MALRD1: variants seen among roughly 807,000 people sequenced by gnomAD.
The protein encoded by MALRD1 is MAM and LDL receptor class A domain containing 1, also known as MAM and LDL-receptor class A domain-containing protein 1.
A neutral mutation model predicts 242.1 loss-of-function variants in MALRD1; 247 were observed. The ratio of observed to expected loss-of-function variants is 1.02; its 90% CI spans 0.92 to 1.13. The LOEUF (loss-of-function observed/expected upper bound fraction) is 1.13. Ranked by LOEUF, MALRD1 falls within the 50% of genes most tolerant of loss-of-function variation. The pLI is 0.00. For synonymous variants in MALRD1, 995 were observed against 866.6 expected (o/e 1.15, Z -2.60); for missense variants, 2,989 against 2,533.1 (o/e 1.18, Z -3.86).
chr10:19,149,240 C>G (rs1192030116), intron 11 of MALRD1, among the ~76,000 whole-genome samples: 1 of 152,082 alleles, frequency 6.6e-6, no homozygotes. Context: ...CTTTTCCTCC[C>G]AAGTAGCTGG....
intron 12 of MALRD1, among the ~76,000 whole-genome samples, chr10:19,159,202 C>T (rs1357307502): frequency 1.3e-5 from 2 of 152,160 alleles, no homozygotes; most frequent in East Asian, 3.9e-4. Flanking sequence ...CCATAAAAAT[C>T]ACTATGGTAA....
chr10:19,337,085 A>G (rs1843645706), intron 24 of MALRD1, among the ~76,000 whole-genome samples: 1 of 152,112 alleles, frequency 6.6e-6, no homozygotes, highest in African/African-American at 2.4e-5. Flanking sequence ...ATATTTGTGT[A>G]TATATTATAC....
At chr10:19,520,854 T>A (rs945249764) in intron 31 of MALRD1, among the ~76,000 whole-genome samples, 3 of 152,168 alleles carry the variant, frequency 2.0e-5, no homozygotes, top group African/African-American at 7.2e-5. Context: ...GCAATGCTGG[T>A]CTGAAAATAT....
intron 21 of MALRD1, among the ~76,000 whole-genome samples, chr10:19,291,940 G>C (rs1488791227): frequency 6.6e-6 from 1 of 151,698 alleles, no homozygotes; most frequent in Non-Finnish European, 1.5e-5. Flanking sequence ...CAAAAAATTA[G>C]TCATACGTGG....
intron 36 of MALRD1, among the ~76,000 whole-genome samples, chr10:19,661,383 C>G (rs575319355): frequency 5.9e-5 from 9 of 152,242 alleles, no homozygotes; most frequent in South Asian, 2.1e-4. Flanking sequence ...TTGGAACCAA[C>G]CCAAATGTCC....
At chr10:19,146,063 T>G (rs984516584) in intron 10 of MALRD1, 135 bp from the exon 11 acceptor site, 1 of 588,164 alleles carries the variant, frequency 1.7e-6, no homozygotes, top group Non-Finnish European at 2.5e-6. Context: ...GGAAAGCTAT[T>G]CCGATCATTA....
intron 12 of MALRD1, among the ~76,000 whole-genome samples, chr10:19,158,642 A>G (rs1390108075): frequency 1.3e-5 from 2 of 152,240 alleles, no homozygotes; most frequent in Admixed American, 6.5e-5. Flanking sequence ...CAACACATAT[A>G]TATTGCTTAT....
intron 28 of MALRD1, among the ~76,000 whole-genome samples, chr10:19,431,211 C>A (rs1301478340): frequency 6.6e-6 from 1 of 152,154 alleles, no homozygotes; most frequent in Non-Finnish European, 1.5e-5. Context: ...TCCCATCCTG[C>A]ATGAATTGAT....
chr10:19,166,395 AG>A (rs574097578), intron 13 of MALRD1, among the ~76,000 whole-genome samples: 84 of 152,292 alleles, frequency 5.5e-4, no homozygotes, highest in African/African-American at 1.6e-3. Context: ...GGAGGTAGAG[AG>A]GAGAATGGTG....
intron 29 of MALRD1, among the ~76,000 whole-genome samples, chr10:19,482,221 C>T (rs1386940987): frequency 2.0e-5 from 3 of 151,948 alleles, no homozygotes; most frequent in Non-Finnish European, 2.9e-5. Context: ...TGTTTACTCT[C>T]CAGAATTACC....
At chr10:19,616,648 C>G (rs570872630) in intron 36 of MALRD1, among the ~76,000 whole-genome samples, 327 of 152,012 alleles carry the variant, frequency 2.2e-3, no homozygotes, top group Middle Eastern at 6.8e-3. Flanking sequence ...GGTTGCTATT[C>G]AAGTCATTAC....
chr10:19,430,481 A>G (rs1834085215), intron 28 of MALRD1, among the ~76,000 whole-genome samples: 1 of 151,898 alleles, frequency 6.6e-6, no homozygotes, highest in South Asian at 2.1e-4. Flanking sequence ...CAAGTGCTAC[A>G]CACTTTATAT....
intron 38 of MALRD1, among the ~76,000 whole-genome samples, chr10:19,702,147 A>T (rs1385516302): frequency 2.6e-5 from 4 of 152,192 alleles, no homozygotes; most frequent in Non-Finnish European, 5.9e-5. Context: ...ATGTAAATTT[A>T]TAGTAAATGT....
intron 32 of MALRD1, among the ~76,000 whole-genome samples, chr10:19,560,045 G>A (rs999718891): frequency 2.6e-5 from 4 of 152,226 alleles, no homozygotes; most frequent in Non-Finnish European, 5.9e-5. Context: ...TGTTAGGAGT[G>A]TAAATTAGTT....
Position 19,204,989 on chromosome 10 carries a change from T to C in MALRD1, c.2302T>C (p.Tyr768His), listed in dbSNP as rs558319140. The C allele has an allele frequency of 2.9e-5, 45 of 1,550,854 alleles. 1 individual carries two copies. In the South Asian group the frequency reaches 5.0e-4, roughly 17 times the overall value. Residue 768 changes from tyrosine to histidine, a missense_variant, in exon 17 of 40, where the codon TAC becomes CAC. Physicochemically the swap from Tyr to His is moderately conservative, Grantham distance 83. Coordinates refer to ENST00000454679, the MANE Select transcript of MALRD1 (RefSeq NM_001142308.3). ...CTCAACAGTGATTTGGAGAGTATTA[T>C]ACAATCAGGGCAAACAATGGTTGGA... Reference protein sequence around the residue: ...HDSTVIWRVLYNQGKQWLEAT... With the variant: ...HDSTVIWRVLHNQGKQWLEAT...
chr10:19,446,502 G>A (rs1360177172), intron 28 of MALRD1, among the ~76,000 whole-genome samples: 2 of 152,136 alleles, frequency 1.3e-5, no homozygotes, highest in Non-Finnish European at 2.9e-5. Flanking sequence ...ATATGAAATG[G>A]AACTTCCAAG....
chr10:19,245,231 G>A (rs1838990722), intron 18 of MALRD1, among the ~76,000 whole-genome samples: 1 of 152,120 alleles, frequency 6.6e-6, no homozygotes, highest in South Asian at 2.1e-4. Flanking sequence ...CTATAATCTA[G>A]GTAACGTGAG....
chr10:19,667,286 T>A (rs1282082556), intron 36 of MALRD1, among the ~76,000 whole-genome samples: 1 of 151,612 alleles, frequency 6.6e-6, no homozygotes, highest in Non-Finnish European at 1.5e-5. Flanking sequence ...GGAGATCTCG[T>A]CTCTATTTAA....
chr10:19,329,421 C>CCCCA (rs534524949), intron 23 of MALRD1, among the ~76,000 whole-genome samples: 43 of 151,566 alleles, frequency 2.8e-4, no homozygotes, highest in African/African-American at 1.0e-3. Flanking sequence ...GACCCCCCCC[C>CCCCA]AATTTAAACA....
Sources: gnomAD v4.1 joint callset for allele counts (sites outside exome capture counted in the v4.1 genomes callset) on GRCh38, gnomAD v4.1.1 for gene constraint, MANE v1.5 for transcripts, NCBI Gene and HGNC (gene_info 2026-07-23, HGNC 2026-07-21) for gene names.